The following EXOC6B variants were observed in gnomAD, a reference collection of about 807,000 sequenced individuals.
EXOC6B encodes SEC15 homolog B.
A neutral mutation model predicts 113.5 loss-of-function variants in EXOC6B; 54 were observed. The observed-to-expected ratio is 0.48, with a 90% CI of 0.38 to 0.60. The LOEUF (loss-of-function observed/expected upper bound fraction) is 0.60, where lower values mean the gene tolerates loss of function less well. Ranked by LOEUF, EXOC6B falls within the 20% of genes least tolerant of loss-of-function variation. EXOC6B has a pLI of 0.00. For synonymous variants in EXOC6B, 357 were observed against 339.0 expected (o/e 1.05, Z -0.58); for missense variants, 797 against 977.5 (o/e 0.82, Z 2.46).
chr2:72,608,640 C>T (rs758203957), intron 6 of EXOC6B, among the ~76,000 whole-genome samples: 3 of 151,916 alleles, frequency 2.0e-5, no homozygotes, highest in African/African-American at 7.3e-5. Context: ...CAGCAACTCA[C>T]GTCAAAGCTG....
chr2:72,400,624 G>C (rs897040183), intron 18 of EXOC6B, among the ~76,000 whole-genome samples: 1 of 150,456 alleles, frequency 6.6e-6, no homozygotes, highest in African/African-American at 2.4e-5. Flanking sequence ...TTAAAAAATC[G>C]GCAAAGGACA....
intron 20 of EXOC6B, among the ~76,000 whole-genome samples, chr2:72,227,655 T>C (rs1216967139): frequency 6.6e-6 from 1 of 152,184 alleles, no homozygotes; most frequent in Non-Finnish European, 1.5e-5. Context: ...GAATACACAT[T>C]CTTTCAAGGA....
chr2:72,714,645 C>A (rs1371213209), intron 6 of EXOC6B, among the ~76,000 whole-genome samples: 2 of 152,034 alleles, frequency 1.3e-5, no homozygotes, highest in Non-Finnish European at 2.9e-5. Context: ...GCAATGAAGT[C>A]CCAAGAAGGC....
chr2:72,615,953 T>C (rs546368255), intron 6 of EXOC6B, among the ~76,000 whole-genome samples: 20 of 152,264 alleles, frequency 1.3e-4, no homozygotes, highest in Non-Finnish European at 2.4e-4. Flanking sequence ...TACATGTTTG[T>C]GTCTTAGGTT....
chr2:72,464,883 C>G (rs1573183997), intron 18 of EXOC6B: 1 of 392,142 alleles, frequency 2.6e-6, no homozygotes, highest in East Asian at 3.7e-5. Flanking sequence ...TCTACCAAGG[C>G]TTTTATATTG....
intron 6 of EXOC6B, among the ~76,000 whole-genome samples, chr2:72,643,157 T>C (rs1673395627): frequency 6.6e-6 from 1 of 152,006 alleles, no homozygotes; most frequent in African/African-American, 2.4e-5. Flanking sequence ...ACTTTTACAC[T>C]GTTGGTGGGA....
At chr2:72,675,226 CTG>C (rs1380390926) in intron 6 of EXOC6B, among the ~76,000 whole-genome samples, 1 of 152,186 alleles carries the variant, frequency 6.6e-6, no homozygotes, top group African/African-American at 2.4e-5. Flanking sequence ...GTTTGGAACT[CTG>C]TAACACAAAA....
At chr2:72,277,671 T>C (rs1251043328) in intron 20 of EXOC6B, among the ~76,000 whole-genome samples, 1 of 151,944 alleles carries the variant, frequency 6.6e-6, no homozygotes, top group Non-Finnish European at 1.5e-5. Context: ...TCTTCGTATT[T>C]TCAGTAGTAG....
intron 19 of EXOC6B, among the ~76,000 whole-genome samples, chr2:72,369,086 C>A (rs1690831506): frequency 6.6e-6 from 1 of 152,180 alleles, no homozygotes; most frequent in African/African-American, 2.4e-5. Context: ...TCTCTGTTTG[C>A]AGATGACATG....
intron 6 of EXOC6B, among the ~76,000 whole-genome samples, chr2:72,612,020 C>T (rs911510912): frequency 7.2e-5 from 11 of 152,254 alleles, no homozygotes; most frequent in East Asian, 1.9e-4. Flanking sequence ...TGGTGGCCCA[C>T]GCCTGTAATC....
chr2:72,488,877 C>T (rs1029080401), intron 16 of EXOC6B, among the ~76,000 whole-genome samples: 2 of 152,112 alleles, frequency 1.3e-5, no homozygotes, highest in African/African-American at 2.4e-5. Flanking sequence ...TACAATAGCT[C>T]CCCATTTCAC....
At chr2:72,204,122 C>T (rs1174388411) in intron 20 of EXOC6B, among the ~76,000 whole-genome samples, 2 of 152,116 alleles carry the variant, frequency 1.3e-5, no homozygotes, top group East Asian at 3.9e-4. Context: ...CCCCTTTCAG[C>T]CTGTGAGCAG....
intron 20 of EXOC6B, among the ~76,000 whole-genome samples, chr2:72,227,130 G>A (rs1427568737): frequency 6.6e-6 from 1 of 152,072 alleles, no homozygotes; most frequent in Non-Finnish European, 1.5e-5. Context: ...TGTTAAAAAG[G>A]AAAATATGAC....
intron 20 of EXOC6B, among the ~76,000 whole-genome samples, chr2:72,267,830 G>C (rs1225392326): frequency 1.3e-5 from 2 of 152,064 alleles, no homozygotes; most frequent in Non-Finnish European, 2.9e-5. Flanking sequence ...AATTTCACTT[G>C]GGTCATCTCA....
Position 72,189,850 on chromosome 2 carries a change from C to CCTT in EXOC6B, c.2197-5666_2197-5664dup, listed in dbSNP as rs1215015261. ...TCTCTGTCTCTCTCTCTCTCTTTCT[C>CCTT]CTTCTTCTTCTTTTTTTTTTTTTTT... is the stretch of plus-strand genomic sequence containing the variant. On this transcript the variant is annotated intron_variant, in intron 20 of 21. Transcript: ENST00000272427. 2.6e-3 allele frequency among the ~76,000 whole-genome samples: 303 copies of CCTT among 117,208 alleles called. 6 individuals carry two copies. Among genetic ancestry groups the CCTT allele is most frequent in the Middle Eastern group, 4.0e-3 (1 of 252 alleles). The allele number at this position is 117,208 out of a possible 152,430, so 76.9% of individuals were successfully genotyped here.
At chr2:72,375,673 A>G (rs1375960694) in intron 19 of EXOC6B, among the ~76,000 whole-genome samples, 1 of 152,232 alleles carries the variant, frequency 6.6e-6, no homozygotes, top group African/African-American at 2.4e-5. Context: ...TACTTAGACA[A>G]TAATTTCTAA....
chr2:72,396,835 A>G (rs950246145), intron 18 of EXOC6B, among the ~76,000 whole-genome samples: 1 of 152,210 alleles, frequency 6.6e-6, no homozygotes, highest in Non-Finnish European at 1.5e-5. Flanking sequence ...CCTTGAGCAA[A>G]GCAAAGTAAG....
At chr2:72,439,290 G>T (rs922595436) in intron 18 of EXOC6B, among the ~76,000 whole-genome samples, 3 of 152,182 alleles carry the variant, frequency 2.0e-5, no homozygotes, top group Non-Finnish European at 4.4e-5. Flanking sequence ...GTCTATCGAG[G>T]TGGGGAAAGT....
At chr2:72,499,292 A>T (rs975069319) in intron 12 of EXOC6B, among the ~76,000 whole-genome samples, 6 of 149,574 alleles carry the variant, frequency 4.0e-5, no homozygotes, top group Non-Finnish European at 7.4e-5. Context: ...GGGCAATGGC[A>T]CTATCTCAGC....
Sources: gnomAD v4.1 joint callset for allele counts (sites outside exome capture counted in the v4.1 genomes callset) on GRCh38, gnomAD v4.1.1 for gene constraint, MANE v1.5 for transcripts, NCBI Gene and HGNC (gene_info 2026-07-23, HGNC 2026-07-21) for gene names.